GLG1: variants seen among roughly 807,000 people sequenced by gnomAD.
The protein encoded by GLG1 is golgi glycoprotein 1.
In GLG1, 38 loss-of-function variants were observed where a neutral mutation model predicts 160.5. That is an observed-to-expected ratio of 0.24 (90% confidence interval 0.18 to 0.31). The LOEUF is 0.31. Ranked by LOEUF, GLG1 falls within the 10% of genes least tolerant of loss-of-function variation. GLG1 has a pLI of 1.00. For missense variants in GLG1, 1,373 were observed against 1,505.2 expected (o/e 0.91, Z 1.45); for synonymous variants, 644 against 543.4 (o/e 1.19, Z -2.57).
intron 1 of GLG1, among the ~76,000 whole-genome samples, chr16:74,589,025 T>TC (rs1220908870): frequency 6.6e-6 from 1 of 151,668 alleles, no homozygotes; most frequent in East Asian, 1.9e-4. Flanking sequence ...GTGGATAACT[T>TC]CAAGTCAGGA....
rs138732994 is a variant in GLG1, at chr16:74,515,310, C to G, written c.472-6385G>C. On this transcript the variant is annotated intron_variant, in intron 2 of 25. Transcript: ENST00000422840. Reference sequence around the variant, plus strand: ...AGCGGGCAGACCTAATAGACATCTACAGAACTCTCCACCCCAAATCAACAG... The same window carrying G: ...AGCGGGCAGACCTAATAGACATCTAGAGAACTCTCCACCCCAAATCAACAG... Among the ~76,000 whole-genome samples, 36 of 152,306 alleles carry G rather than the reference C, an allele frequency of 2.4e-4. 2 individuals are homozygous for G. In the East Asian group the frequency reaches 6.7e-3, roughly 29 times the overall value.
At chr16:74,567,819 C>T (rs1331519495) in intron 1 of GLG1, among the ~76,000 whole-genome samples, 3 of 151,840 alleles carry the variant, frequency 2.0e-5, no homozygotes, top group African/African-American at 7.3e-5. Context: ...CCACCCGCCT[C>T]GGCCTCCCAA....
intron 8 of GLG1, among the ~76,000 whole-genome samples, chr16:74,488,604 T>A (rs1204030504): frequency 6.6e-6 from 1 of 152,106 alleles, no homozygotes; most frequent in Non-Finnish European, 1.5e-5. Context: ...ATTTATTTTT[T>A]ATTTTATTTT....
intron 1 of GLG1, among the ~76,000 whole-genome samples, chr16:74,545,839 T>C (rs1360746991): frequency 1.3e-5 from 2 of 152,224 alleles, no homozygotes; most frequent in Non-Finnish European, 2.9e-5. Context: ...CCAGTCAATA[T>C]AATTCTCTCA....
At chr16:74,545,882 A>C (rs964122734) in intron 1 of GLG1, among the ~76,000 whole-genome samples, 1 of 152,192 alleles carries the variant, frequency 6.6e-6, no homozygotes, top group Non-Finnish European at 1.5e-5. Context: ...AATTTTGTAA[A>C]AGTAAATGTT....
chr16:74,452,380 T>A lies in GLG1; in HGVS notation c.*787A>T. The A allele has an allele frequency of 7.7e-7, 1 of 1,290,732 alleles. No individual in the cohort carries two copies. The highest frequency in any genetic ancestry group is 9.9e-7 in the Non-Finnish European group (1 of 1,011,704). 80.0% of individuals were successfully genotyped at this position (1,290,732 alleles called of 1,614,324 possible). A position where few individuals can be genotyped will look rare whatever the true frequency, so the allele number is the denominator to read the frequency against. ...GATCCAGCCTCTCAGTGCAGATGGA[T>A]GGACTGTTCAACTTCACAAACTTCC... On this transcript the variant is annotated 3_prime_UTR_variant, in exon 26 of 26. Transcript: ENST00000422840.
chr16:74,456,636 T>C lies in GLG1; in HGVS notation c.3372+13A>G, dbSNP rs752771297. ...TTTGTTTTTTTAAAAAAGGAGATTCTCTTGGTCATTACCTTTGCTGCGTAA... is the reference window on the plus strand; with the variant it reads ...TTTGTTTTTTTAAAAAAGGAGATTCCCTTGGTCATTACCTTTGCTGCGTAA... On this transcript the variant is annotated intron_variant, in intron 25 of 25. Transcript: ENST00000422840. 4.6e-6 allele frequency: 7 copies of C among 1,531,710 alleles called. No homozygotes were observed. The highest frequency in any genetic ancestry group is 1.7e-4 in the Middle Eastern group (1 of 5,884). The allele number at this position is 1,531,710 out of a possible 1,614,324, so 94.9% of individuals were successfully genotyped here. A position where few individuals can be genotyped will look rare whatever the true frequency, so the allele number is the denominator to read the frequency against.
intron 1 of GLG1, among the ~76,000 whole-genome samples, chr16:74,593,693 G>A (rs577043184): frequency 4.0e-5 from 6 of 151,220 alleles, no homozygotes; most frequent in African/African-American, 9.7e-5. Flanking sequence ...CCTCGGCCTC[G>A]CAAAGTGCTG....
At chr16:74,467,220 C>G (rs988291155) in intron 18 of GLG1, among the ~76,000 whole-genome samples, 1 of 152,330 alleles carries the variant, frequency 6.6e-6, no homozygotes, top group Admixed American at 6.5e-5. Flanking sequence ...GGCTGAAGCC[C>G]CATGGCAATG....
At chr16:74,481,778 C>G (rs2015606657) in intron 10 of GLG1, among the ~76,000 whole-genome samples, 1 of 152,096 alleles carries the variant, frequency 6.6e-6, no homozygotes, top group Non-Finnish European at 1.5e-5. Context: ...AGCTCCTGGG[C>G]TCAAGTGAAT....
intron 2 of GLG1, among the ~76,000 whole-genome samples, chr16:74,520,240 T>C (rs1160016870): frequency 6.6e-6 from 1 of 152,206 alleles, no homozygotes; most frequent in Non-Finnish European, 1.5e-5. Context: ...AGAATTTCCT[T>C]TGCTTTTCTC....
chr16:74,501,092 G>A (rs2016388198), intron 4 of GLG1, among the ~76,000 whole-genome samples: 1 of 152,192 alleles, frequency 6.6e-6, no homozygotes, highest in Admixed American at 6.5e-5. Flanking sequence ...GTTGTTTTCT[G>A]TGTTCAGAAG....
At chr16:74,588,866 G>A (rs1958108942) in intron 1 of GLG1, among the ~76,000 whole-genome samples, 1 of 151,758 alleles carries the variant, frequency 6.6e-6, no homozygotes, top group Non-Finnish European at 1.5e-5. Context: ...TAAACTGAAA[G>A]CTAAATAGCA....
chr16:74,473,222 T>C (rs573596738), intron 13 of GLG1, among the ~76,000 whole-genome samples: 2 of 152,108 alleles, frequency 1.3e-5, no homozygotes, highest in African/African-American at 2.4e-5. Context: ...TTTTTTTTTT[T>C]CTTTTTATTG....
intron 1 of GLG1, among the ~76,000 whole-genome samples, chr16:74,562,850 T>C (rs1420799816): frequency 6.6e-6 from 1 of 152,140 alleles, no homozygotes; most frequent in Non-Finnish European, 1.5e-5. Context: ...GGTTGGTTCT[T>C]CTGGAAATGA....
In GLG1 at chr16:74,550,413, A is replaced by T. The variant is rs2550824; in HGVS notation, c.439-18260T>A. Among the ~76,000 whole-genome samples, 706 of 150,650 alleles carry T rather than the reference A, an allele frequency of 4.7e-3. 8 individuals are homozygous for T. Among genetic ancestry groups the T allele is most frequent in the African/African-American group, 0.016 (664 of 41,002 alleles). ...TACAAAGATAAGCATATGAGAGCAGAGCCTCAGCTTCATGCCTGGCAATGT... is the reference window on the plus strand; with the variant it reads ...TACAAAGATAAGCATATGAGAGCAGTGCCTCAGCTTCATGCCTGGCAATGT... On this transcript the variant is annotated intron_variant, in intron 1 of 25. Transcript: ENST00000422840.
chr16:74,481,167 T>C (rs1329092016), intron 10 of GLG1, among the ~76,000 whole-genome samples: 1 of 152,188 alleles, frequency 6.6e-6, no homozygotes, highest in Non-Finnish European at 1.5e-5. Context: ...GATCAGGAAA[T>C]GGCAAGATAA....
intron 1 of GLG1, among the ~76,000 whole-genome samples, chr16:74,554,376 A>G (rs1166581133): frequency 3.3e-5 from 5 of 152,190 alleles, no homozygotes; most frequent in Admixed American, 2.0e-4. Context: ...TCTACTAAAA[A>G]TACAAAAATT....
intron 2 of GLG1, among the ~76,000 whole-genome samples, chr16:74,519,268 A>T (rs1373886021): frequency 6.6e-6 from 1 of 150,798 alleles, no homozygotes; most frequent in Non-Finnish European, 1.5e-5. Context: ...TCTCACTCAT[A>T]CGTGGTAGTT....
Sources: gnomAD v4.1 joint callset for allele counts (sites outside exome capture counted in the v4.1 genomes callset) on GRCh38, gnomAD v4.1.1 for gene constraint, MANE v1.5 for transcripts, NCBI Gene and HGNC (gene_info 2026-07-23, HGNC 2026-07-21) for gene names.